GALNT14: variants seen among roughly 807,000 people sequenced by gnomAD.
GALNT14 encodes polypeptide N-acetylgalactosaminyltransferase 14.
In GALNT14, 60 loss-of-function variants were observed where a neutral mutation model predicts 77.5. That is an observed-to-expected ratio of 0.77 (90% CI 0.63 to 0.96). GALNT14 has a LOEUF of 0.96. Among genes scored for constraint, GALNT14 ranks in the 40% least tolerant of loss-of-function variants. The pLI is 0.00. For missense variants in GALNT14, 710 were observed against 731.0 expected (o/e 0.97, Z 0.33); for synonymous variants, 280 against 281.7 (o/e 0.99, Z 0.06).
intron 4 of GALNT14, among the ~76,000 whole-genome samples, chr2:30,956,391 T>C (rs1458655211): frequency 6.6e-6 from 1 of 152,214 alleles, no homozygotes; most frequent in Non-Finnish European, 1.5e-5. Context: ...TATATATATT[T>C]ATGGGGCACA....
intron 1 of GALNT14, among the ~76,000 whole-genome samples, chr2:31,028,062 C>T (rs1181208486): frequency 6.6e-6 from 1 of 152,172 alleles, no homozygotes; most frequent in Non-Finnish European, 1.5e-5. Flanking sequence ...AACCTTAACC[C>T]CATCTTTAAT....
Position 30,942,207 on chromosome 2 carries a change from T to C in GALNT14, c.925A>G (p.Asn309Asp). 1 of 1,612,626 alleles carries C rather than the reference T, an allele frequency of 6.2e-7. No individual in the cohort carries two copies. Among genetic ancestry groups the C allele is most frequent in the South Asian group, 1.1e-5 (1 of 91,038 alleles). Residue 309 changes from asparagine (N) to aspartate (D), a missense_variant, in exon 9 of 15, where the codon AAC becomes GAC. Transcript: ENST00000349752. ...TGCAGAGGCAGGGACTCACCAAAGT[T>C]CTCCCCACCCCAGATGTCCATGTCC... ...DMDMDIWGGE[N>D]FEISFRVWMC...
chr2:30,945,925 AG>A, intron 6 of GALNT14, 55 bp from the exon 7 acceptor site: 1 of 1,512,048 alleles, frequency 6.6e-7, no homozygotes, highest in Non-Finnish European at 9.2e-7. Context: ...GCTGGGAGTC[AG>A]GGAGCTTGGG....
intron 1 of GALNT14, among the ~76,000 whole-genome samples, chr2:31,118,009 A>G (rs556160730): frequency 1.3e-5 from 2 of 152,186 alleles, no homozygotes; most frequent in African/African-American, 2.4e-5. Context: ...ACTCCATTTT[A>G]TTGGACCCAA....
intron 1 of GALNT14, among the ~76,000 whole-genome samples, chr2:31,028,474 G>T (rs1195281384): frequency 2.0e-5 from 3 of 152,228 alleles, no homozygotes; most frequent in African/African-American, 7.2e-5. Context: ...GGGTTTCAGG[G>T]CAACTGCCCT....
At chr2:31,110,665 G>C (rs907741566) in intron 1 of GALNT14, among the ~76,000 whole-genome samples, 3 of 152,130 alleles carry the variant, frequency 2.0e-5, no homozygotes, top group Non-Finnish European at 4.4e-5. Context: ...CTTGGTTCTT[G>C]GGCAAGCCAT....
At chr2:30,913,395 A>G (rs1314340368) in intron 13 of GALNT14, among the ~76,000 whole-genome samples, 1 of 152,096 alleles carries the variant, frequency 6.6e-6, no homozygotes, top group Non-Finnish European at 1.5e-5. Flanking sequence ...CCTTGGCCCA[A>G]GAATGAAAAA....
chr2:30,891,231 C>A, the GALNT14 span, among the ~76,000 whole-genome samples: 3 of 152,128 alleles, frequency 2.0e-5, no homozygotes, highest in African/African-American at 7.2e-5. Flanking sequence ...AATACAGATT[C>A]CCAGGCTCCA....
chr2:30,944,756 G>A (rs1666582704), intron 8 of GALNT14, 102 bp downstream of exon 8: 2 of 928,540 alleles, frequency 2.2e-6, no homozygotes, highest in Non-Finnish European at 1.6e-6. Flanking sequence ...GGCTCCCTTT[G>A]TCTGCTTGAT....
intron 1 of GALNT14, among the ~76,000 whole-genome samples, chr2:31,095,709 A>G (rs2365201): frequency 0.59 from 90,429 of 152,014 alleles, 28,049 homozygotes; most frequent in African/African-American, 0.76. Context: ...TGAATATATT[A>G]TATTCAACAA....
intron 1 of GALNT14, among the ~76,000 whole-genome samples, chr2:31,027,946 T>A (rs1672172317): frequency 8.0e-6 from 1 of 124,758 alleles, no homozygotes; most frequent in Admixed American, 9.0e-5. Flanking sequence ...ATGCTTGGGG[T>A]AGGGGAGCCT....
At chr2:31,038,179 C>T (rs1463310925) in intron 1 of GALNT14, among the ~76,000 whole-genome samples, 2 of 148,906 alleles carry the variant, frequency 1.3e-5, no homozygotes, top group East Asian at 4.0e-4. Flanking sequence ...ACTGCAACCC[C>T]CGCCTCCCAG....
At chr2:30,976,122 A>G (rs1186266904) in intron 2 of GALNT14, among the ~76,000 whole-genome samples, 1 of 152,174 alleles carries the variant, frequency 6.6e-6, no homozygotes, top group Admixed American at 6.5e-5. Context: ...ATAATTACTG[A>G]ACACAGAAGG....
Position 30,955,669 on chromosome 2 carries a change from G to A in GALNT14, c.603C>T (p.His201=). Residue 201 remains histidine (H), a synonymous_variant, in exon 6 of 15, where the codon CAC becomes CAT. Coordinates refer to ENST00000349752, the MANE Select transcript of GALNT14 (RefSeq NM_024572.4). ...QGTTLTFLDS[H]CEVNRDWLQP... is the part of the protein sequence containing the mutation. ...GGAGCCAGTCCCTGTTCACCTCACA[G>A]TGGCTGTCGAGGAAAGTCAGAGTGG... 6.2e-7 allele frequency: 1 copy of A among 1,614,196 alleles called. No homozygotes were observed. The highest frequency in any genetic ancestry group is 1.1e-5 in the South Asian group (1 of 91,082).
chr2:30,947,731 T>C (rs1394756799), intron 6 of GALNT14, among the ~76,000 whole-genome samples: 1 of 152,244 alleles, frequency 6.6e-6, no homozygotes, highest in Non-Finnish European at 1.5e-5. Flanking sequence ...TTTAATTTCC[T>C]GGTTCATTCT....
intron 1 of GALNT14, among the ~76,000 whole-genome samples, chr2:31,072,574 C>A (rs192558615): frequency 3.3e-5 from 5 of 152,222 alleles, no homozygotes; most frequent in Admixed American, 2.0e-4. Flanking sequence ...TACTGCCTTA[C>A]AACCTGGAAC....
chr2:30,894,973 A>T, the GALNT14 span, among the ~76,000 whole-genome samples: 1 of 152,220 alleles, frequency 6.6e-6, no homozygotes, highest in East Asian at 1.9e-4. Context: ...CTGACTGTCC[A>T]TTGGCAGAGG....
chr2:31,054,850 C>CA (rs1461593858), intron 1 of GALNT14, among the ~76,000 whole-genome samples: 2 of 152,102 alleles, frequency 1.3e-5, no homozygotes, highest in Admixed American at 6.5e-5. Flanking sequence ...AGTGGAAAAA[C>CA]AAAAGCATCA....
At chr2:30,947,774 A>T (rs1281735597) in intron 6 of GALNT14, among the ~76,000 whole-genome samples, 2 of 151,960 alleles carry the variant, frequency 1.3e-5, no homozygotes, top group African/African-American at 4.8e-5. Flanking sequence ...CTTATTTTAA[A>T]CTCTAGATTC....
Sources: gnomAD v4.1 joint callset for allele counts (sites outside exome capture counted in the v4.1 genomes callset) on GRCh38, gnomAD v4.1.1 for gene constraint, MANE v1.5 for transcripts, NCBI Gene and HGNC (gene_info 2026-07-23, HGNC 2026-07-21) for gene names.